Variants in RHBDD1 observed in about 807,000 individuals in gnomAD.
RHBDD1 encodes the protein rhomboid-related protein 4.
In RHBDD1, 38 loss-of-function variants were observed where a neutral mutation model predicts 36.3. The observed-to-expected ratio is 1.05, with a 90% CI of 0.81 to 1.37. The LOEUF is 1.37. RHBDD1 is among the 40% of genes most tolerant of loss of function. The pLI, the probability that RHBDD1 is intolerant of heterozygous loss-of-function variation, is 0.00. For missense variants in RHBDD1, 393 were observed against 377.6 expected (o/e 1.04, Z -0.34); for synonymous variants, 151 against 136.5 (o/e 1.11, Z -0.74).
the RHBDD1 span, among the ~76,000 whole-genome samples, chr2:226,805,384 T>C: frequency 1.3e-5 from 2 of 152,210 alleles, no homozygotes; most frequent in African/African-American, 4.8e-5. Flanking sequence ...AGGTAATTTT[T>C]GTATTTTTAG....
chr2:226,811,620 C>A, the RHBDD1 span, among the ~76,000 whole-genome samples: 1 of 152,030 alleles, frequency 6.6e-6, no homozygotes, highest in Non-Finnish European at 1.5e-5. Context: ...GAATTGTTGC[C>A]GGACAATATT....
intron 8 of RHBDD1, among the ~76,000 whole-genome samples, chr2:226,945,145 G>GATTATTATTATTATTATTATTATT (rs60027437): frequency 1.4e-5 from 2 of 144,818 alleles, no homozygotes; most frequent in Admixed American, 7.0e-5. Flanking sequence ...GATCAAATCT[G>GATTATTATTATTATTATTATTATT]ATTATTATTA....
intron 3 of RHBDD1, among the ~76,000 whole-genome samples, chr2:226,848,412 G>C (rs1431495273): frequency 6.6e-6 from 1 of 152,114 alleles, no homozygotes; most frequent in African/African-American, 2.4e-5. Context: ...CTAATTTTTT[G>C]ATAGTCAAAG....
At position 226,846,701 on chromosome 2, in the gene RHBDD1, C is replaced by T. The variant is rs557340870; in HGVS notation, c.-91+7074C>T. ...ATTCAGCTCAGCAGTGAGCTGAAAT[C>T]GTGCCATTGCACTCCAGCCTGGGCA... On this transcript the variant is annotated intron_variant, in intron 3 of 8. Coordinates refer to ENST00000392062, the MANE Select transcript of RHBDD1 (RefSeq NM_001167608.3). Among the ~76,000 whole-genome samples the T allele has an allele frequency of 2.8e-5, 4 of 144,420 alleles. No individual in the cohort carries two copies. The South Asian group carries it at 8.7e-4, about 31-fold the overall frequency. 94.7% of individuals were successfully genotyped at this position (144,420 alleles called of 152,430 possible). A position where few individuals can be genotyped will look rare whatever the true frequency, so the allele number is the denominator to read the frequency against.
intron 3 of RHBDD1, among the ~76,000 whole-genome samples, chr2:226,862,296 C>T (rs1943923322): frequency 6.6e-6 from 1 of 150,650 alleles, no homozygotes; most frequent in Non-Finnish European, 1.5e-5. Context: ...AATTGAAGTT[C>T]AGAAAGTTTA....
the RHBDD1 span, among the ~76,000 whole-genome samples, chr2:226,803,243 GAC>G: frequency 6.6e-6 from 1 of 152,008 alleles, no homozygotes; most frequent in East Asian, 1.9e-4. Context: ...TAGATAAAAA[GAC>G]AGCTTCTTAC....
intron 8 of RHBDD1, among the ~76,000 whole-genome samples, chr2:226,937,881 T>G (rs1950432599): frequency 6.6e-6 from 1 of 152,188 alleles, no homozygotes; most frequent in Admixed American, 6.6e-5. Flanking sequence ...TTTCCTATTG[T>G]GAATAGTGCT....
At chr2:226,945,332 C>G (rs1171141596) in intron 8 of RHBDD1, among the ~76,000 whole-genome samples, 2 of 151,912 alleles carry the variant, frequency 1.3e-5, no homozygotes, top group East Asian at 3.9e-4. Flanking sequence ...CTGACAGGCC[C>G]GGGTGTGTGA....
chr2:226,922,993 T>A (rs1949431785), intron 8 of RHBDD1, among the ~76,000 whole-genome samples: 1 of 152,196 alleles, frequency 6.6e-6, no homozygotes, highest in African/African-American at 2.4e-5. Flanking sequence ...TGAAAAATTG[T>A]TGTAGTTATT....
At chr2:226,888,569 A>G (rs1027454655) in intron 5 of RHBDD1, among the ~76,000 whole-genome samples, 2 of 151,914 alleles carry the variant, frequency 1.3e-5, no homozygotes, top group Non-Finnish European at 2.9e-5. Flanking sequence ...TCATTGACTC[A>G]TTTGTCCTAA....
In RHBDD1 at chr2:226,849,802, C is replaced by T. The variant is rs191366956; in HGVS notation, c.-91+10175C>T. Among the ~76,000 whole-genome samples the T allele has an allele frequency of 2.1e-3, 316 of 152,328 alleles. 4 individuals are homozygous for T. The highest frequency in any genetic ancestry group is 7.3e-3 in the African/African-American group (303 of 41,572). ...ATATCTATATCTATATCTATTCCAG[C>T]TTTCAGAGTTCCCCAGTGAGATTAA... On this transcript the variant is annotated intron_variant, in intron 3 of 8. Coordinates refer to ENST00000392062, the MANE Select transcript of RHBDD1 (RefSeq NM_001167608.3).
chr2:226,857,182 A>G (rs1471817276), intron 3 of RHBDD1, among the ~76,000 whole-genome samples: 2 of 152,058 alleles, frequency 1.3e-5, no homozygotes, highest in Non-Finnish European at 2.9e-5. Flanking sequence ...ATTTTAAGCA[A>G]TGAAAATCTA....
At chr2:226,860,273 G>T (rs1279061593) in intron 3 of RHBDD1, among the ~76,000 whole-genome samples, 1 of 152,138 alleles carries the variant, frequency 6.6e-6, no homozygotes, top group Non-Finnish European at 1.5e-5. Flanking sequence ...ACAGGGACTG[G>T]CCTTTCTTGA....
At position 226,991,384 on chromosome 2, in the gene RHBDD1, G is replaced by A. The variant is rs1437969945; in HGVS notation, c.857-4047G>A. Among the ~76,000 whole-genome samples the A allele has an allele frequency of 5.3e-5, 8 of 152,272 alleles. 1 individual carries two copies. Among genetic ancestry groups the A allele is most frequent in the South Asian group, 4.1e-4 (2 of 4,824 alleles). ...TTTAGTAGAGTCGGGGTTTCACCAC[G>A]TTGGCCCGGATGGTCTCAATCTCCT... On this transcript the variant is annotated intron_variant, in intron 8 of 8. Coordinates refer to ENST00000392062, the MANE Select transcript of RHBDD1 (RefSeq NM_001167608.3).
the RHBDD1 span, among the ~76,000 whole-genome samples, chr2:226,822,151 T>C: frequency 6.6e-6 from 1 of 152,234 alleles, no homozygotes. Context: ...GCTTTATAGC[T>C]TTATGTAACA....
intron 8 of RHBDD1, chr2:226,935,151 T>G (rs926341800): frequency 6.6e-6 from 1 of 152,138 alleles, no homozygotes; most frequent in Non-Finnish European, 1.5e-5. Flanking sequence ...TGGTGGAATA[T>G]ACTACAAAAG....
At chr2:226,913,861 G>T (rs1948703514) in intron 7 of RHBDD1, among the ~76,000 whole-genome samples, 1 of 152,106 alleles carries the variant, frequency 6.6e-6, no homozygotes, top group Non-Finnish European at 1.5e-5. Context: ...CTCAAGCCAG[G>T]ACTTCACTGA....
At chr2:226,939,434 A>C (rs1950534427) in intron 8 of RHBDD1, among the ~76,000 whole-genome samples, 1 of 152,212 alleles carries the variant, frequency 6.6e-6, no homozygotes, top group Admixed American at 6.5e-5. Flanking sequence ...AAGTCTCAGG[A>C]TACAAAATCA....
chr2:226,939,933 A>G (rs1950562322), intron 8 of RHBDD1, among the ~76,000 whole-genome samples: 1 of 152,178 alleles, frequency 6.6e-6, no homozygotes, highest in African/African-American at 2.4e-5. Context: ...AGACCAATGG[A>G]ACAGAATAGA....
Sources: gnomAD v4.1 joint callset for allele counts (sites outside exome capture counted in the v4.1 genomes callset) on GRCh38, gnomAD v4.1.1 for gene constraint, MANE v1.5 for transcripts, NCBI Gene and HGNC (gene_info 2026-07-23, HGNC 2026-07-21) for gene names.